MARCHF6: variants seen among roughly 807,000 people sequenced by gnomAD.
The protein encoded by MARCHF6 is membrane associated ring-CH-type finger 6.
MARCHF6 carries 31 observed loss-of-function variants against 133.7 expected under a neutral mutation model. The observed-to-expected ratio is 0.23, with a 90% CI of 0.17 to 0.31. MARCHF6 has a LOEUF of 0.31. Among genes scored for constraint, MARCHF6 ranks in the 10% least tolerant of loss-of-function variants. The pLI is 1.00. For missense variants in MARCHF6, 723 were observed against 1,121.6 expected (o/e 0.64, Z 5.08); for synonymous variants, 395 against 402.5 (o/e 0.98, Z 0.22).
At position 10,403,524 on chromosome 5, in the gene MARCHF6, A is replaced by G. The variant is rs1304902733; in HGVS notation, c.1315A>G (p.Ile439Val). 2 of 1,612,748 alleles carry G rather than the reference A, an allele frequency of 1.2e-6. No individual in the cohort carries two copies. ...ATATGTCTTCTACTTTGCCTCCTTCATTCTACTACTGAGAGAGGTAAGTCC... is the reference window on the plus strand; with the variant it reads ...ATATGTCTTCTACTTTGCCTCCTTCGTTCTACTACTGAGAGAGGTAAGTCC... ...MVYVFYFASF[I>V]LLLREVLRPG... The change falls in exon 15 of 26, where the codon ATT becomes GTT. Residue 439 changes from isoleucine to valine, a missense_variant. By Grantham distance (29) the Ile-to-Val change is conservative. Around this residue, in one of 4 missense-constraint regions of MARCHF6, gnomAD observed 492 missense variants for 699.5 expected, o/e 0.70. Transcript: ENST00000274140.
At chr5:10,363,300 C>G (rs1052272915) in intron 1 of MARCHF6, among the ~76,000 whole-genome samples, 4 of 152,142 alleles carry the variant, frequency 2.6e-5, no homozygotes, top group Admixed American at 2.0e-4. Flanking sequence ...ATAAAAAATT[C>G]TCAGAACTCA....
At chr5:10,376,822 A>G (rs558240107) in intron 1 of MARCHF6, among the ~76,000 whole-genome samples, 1 of 152,318 alleles carries the variant, frequency 6.6e-6, no homozygotes, top group South Asian at 2.1e-4. Context: ...AGACCCGTTA[A>G]GTGCATTAGT....
chr5:10,379,070 T>C (rs1327375282), intron 3 of MARCHF6, among the ~76,000 whole-genome samples: 1 of 50,900 alleles, frequency 2.0e-5, no homozygotes, highest in East Asian at 2.1e-4. Flanking sequence ...GGGGTGTTTT[T>C]TTTTGTCTTT....
intron 15 of MARCHF6, among the ~76,000 whole-genome samples, chr5:10,403,873 G>A (rs1738704793): frequency 2.6e-5 from 4 of 152,222 alleles, no homozygotes; most frequent in Admixed American, 6.5e-5. Flanking sequence ...TATGATGTGA[G>A]TGTGTCTCAG....
intron 1 of MARCHF6, among the ~76,000 whole-genome samples, chr5:10,359,732 C>T (rs995326098): frequency 1.3e-5 from 2 of 152,094 alleles, no homozygotes; most frequent in Admixed American, 6.6e-5. Flanking sequence ...AGGCTGGGTG[C>T]GGTGGCTCAC....
chr5:10,402,862 C>T (rs1738627652), intron 14 of MARCHF6, among the ~76,000 whole-genome samples: 1 of 152,076 alleles, frequency 6.6e-6, no homozygotes, highest in South Asian at 2.1e-4. Context: ...GCCCATTTTG[C>T]TGTCGTAAAT....
At chr5:10,381,677 A>C (rs1249824964) in intron 3 of MARCHF6, 123 bp from the exon 4 acceptor site, 3 of 709,560 alleles carry the variant, frequency 4.2e-6, no homozygotes, top group Non-Finnish European at 4.4e-6. Flanking sequence ...TATTTTTTTT[A>C]AATAGGAAAA....
intron 20 of MARCHF6, among the ~76,000 whole-genome samples, chr5:10,415,143 C>A (rs1243354153): frequency 6.6e-6 from 1 of 152,136 alleles, no homozygotes; most frequent in East Asian, 1.9e-4. Context: ...CCACTTTTGT[C>A]CTATTATTTG....
intron 1 of MARCHF6, among the ~76,000 whole-genome samples, chr5:10,374,039 G>A (rs1467592813): frequency 6.6e-6 from 1 of 150,964 alleles, no homozygotes; most frequent in South Asian, 2.1e-4. Context: ...CTACTGAGGC[G>A]ACCACTGTGA....
chr5:10,373,281 T>G (rs1579536345), intron 1 of MARCHF6, among the ~76,000 whole-genome samples: 1 of 152,150 alleles, frequency 6.6e-6, no homozygotes, highest in Admixed American at 6.5e-5. Flanking sequence ...GAAAAATCAG[T>G]GCCCTAATTC....
rs916103043 is a variant in MARCHF6, at chr5:10,439,771, A to G, written c.*6087A>G. On this transcript the variant is annotated 3_prime_UTR_variant, in exon 26 of 26. Coordinates refer to ENST00000274140, the MANE Select transcript of MARCHF6 (RefSeq NM_005885.4). Reference sequence around the variant, plus strand: ...CGACCATGGCACTCAAAAGTCCACAATAGCCTTCAATGCTGGGCAAAACAT... The same window carrying G: ...CGACCATGGCACTCAAAAGTCCACAGTAGCCTTCAATGCTGGGCAAAACAT... 1 of 152,424 alleles carries G rather than the reference A, an allele frequency of 6.6e-6. No homozygotes were observed. The highest frequency in any genetic ancestry group is 2.4e-5 in the African/African-American group (1 of 41,458). 9.4% of individuals were successfully genotyped at this position (152,424 alleles called of 1,614,324 possible). A position where few individuals can be genotyped will look rare whatever the true frequency, so the allele number is the denominator to read the frequency against.
At position 10,391,764 on chromosome 5, in the gene MARCHF6, C is replaced by T. The variant is rs564773280; in HGVS notation, c.766+33C>T. The T allele has an allele frequency of 2.4e-5, 35 of 1,447,704 alleles. No homozygotes were observed. The South Asian group carries it at 5.0e-4, about 21-fold the overall frequency. The allele number at this position is 1,447,704 out of a possible 1,614,324, so 89.7% of individuals were successfully genotyped here. A position where few individuals can be genotyped will look rare whatever the true frequency, so the allele number is the denominator to read the frequency against. On this transcript the variant is annotated intron_variant, in intron 7 of 25. Coordinates refer to ENST00000274140, the MANE Select transcript of MARCHF6 (RefSeq NM_005885.4). ...CTGCTTGTGTGTCCTCACTCTTCAGCACTGCAAATCTGTTCTCAACTTGCA... is the reference window on the plus strand; with the variant it reads ...CTGCTTGTGTGTCCTCACTCTTCAGTACTGCAAATCTGTTCTCAACTTGCA...
chr5:10,393,320 C>T (rs1266893122), intron 7 of MARCHF6, among the ~76,000 whole-genome samples: 1 of 152,194 alleles, frequency 6.6e-6, no homozygotes, highest in Non-Finnish European at 1.5e-5. Context: ...AGTGATCCTC[C>T]TGCCTCAGCC....
rs1740683365 is a variant in MARCHF6, at chr5:10,437,092, A to G, written c.*3408A>G. 6.6e-6 allele frequency: 1 copy of G among 152,276 alleles called. No individual in the cohort carries two copies. The highest frequency in any genetic ancestry group is 2.4e-5 in the African/African-American group (1 of 41,484). The allele number at this position is 152,276 out of a possible 1,614,324, so 9.4% of individuals were successfully genotyped here. On this transcript the variant is annotated 3_prime_UTR_variant, in exon 26 of 26. Coordinates refer to ENST00000274140, the MANE Select transcript of MARCHF6 (RefSeq NM_005885.4). Reference sequence around the variant, plus strand: ...AACAAAACAAACACTGGACAGTTCTACATTGTATTGCGTTTGCGAATGTGC... The same window carrying G: ...AACAAAACAAACACTGGACAGTTCTGCATTGTATTGCGTTTGCGAATGTGC...
chr5:10,353,698 C>G lies in MARCHF6; in HGVS notation c.-201C>G. 3.1e-4 allele frequency: 70 copies of G among 226,868 alleles called. No homozygotes were observed. In the East Asian group the frequency reaches 3.6e-3, roughly 12 times the overall value. 14.1% of individuals were successfully genotyped at this position (226,868 alleles called of 1,614,324 possible). A position where few individuals can be genotyped will look rare whatever the true frequency, so the allele number is the denominator to read the frequency against. ...CGCCCAGGCCTCGCCCCTAGGTGTT[C>G]CCGCCCCTCCCCCTCCCGTGTCGCT... On this transcript the variant is annotated 5_prime_UTR_variant, in exon 1 of 26. Coordinates refer to ENST00000274140, the MANE Select transcript of MARCHF6 (RefSeq NM_005885.4).
At chr5:10,394,628 A>G in intron 8 of MARCHF6, 125 bp from the exon 9 acceptor site, 1 of 664,336 alleles carries the variant, frequency 1.5e-6, no homozygotes, top group Non-Finnish European at 2.6e-6. Flanking sequence ...GAAGTATTGG[A>G]AAGTATAGGA....
In MARCHF6 at chr5:10,417,231, A is replaced by G. The variant is rs1462555982; in HGVS notation, c.2149-39A>G. The G allele has an allele frequency of 6.3e-6, 10 of 1,587,810 alleles. No homozygotes were observed. The East Asian group carries it at 1.1e-4, about 18-fold the overall frequency. On this transcript the variant is annotated intron_variant, in intron 21 of 25. Transcript: ENST00000274140. ...AATGGAAATAGAGTTTGGCTCAGAAAGATCCTCTTTAATGATGTGGGCTCC... is the reference window on the plus strand; with the variant it reads ...AATGGAAATAGAGTTTGGCTCAGAAGGATCCTCTTTAATGATGTGGGCTCC...
intron 1 of MARCHF6, among the ~76,000 whole-genome samples, chr5:10,375,990 A>G (rs1736754860): frequency 6.6e-6 from 1 of 152,186 alleles, no homozygotes; most frequent in Non-Finnish European, 1.5e-5. Context: ...TATCTAGCTC[A>G]GGGATTGTAA....
intron 1 of MARCHF6, 188 bp downstream of exon 1, chr5:10,354,105 C>A: frequency 2.4e-6 from 1 of 419,532 alleles, no homozygotes; most frequent in South Asian, 9.2e-5. Flanking sequence ...CGCCGTTTCC[C>A]GCCCGCGCCG....
Sources: allele counts gnomAD v4.1 joint callset (sites outside exome capture counted in the v4.1 genomes callset), GRCh38; gene constraint gnomAD v4.1.1; regional missense constraint gnomAD v4.1.1; transcripts MANE v1.5; gene names NCBI Gene and HGNC (gene_info 2026-07-23, HGNC 2026-07-21).